The following WNK4 variants were observed in gnomAD, a reference collection of about 807,000 sequenced individuals.
WNK4 encodes WNK lysine deficient protein kinase 4.
A neutral mutation model predicts 116.2 loss-of-function variants in WNK4; 94 were observed. The observed-to-expected ratio is 0.81, with a 90% CI of 0.68 to 0.96. The LOEUF is 0.96. Ranked by LOEUF, WNK4 falls within the 40% of genes least tolerant of loss-of-function variation. WNK4 has a pLI of 0.00. For missense variants in WNK4, 1,542 were observed against 1,650.6 expected (o/e 0.93, Z 1.14); for synonymous variants, 655 against 672.7 (o/e 0.97, Z 0.41).
chr17:42,781,445 C>A, intron 1 of WNK4, 129 bp downstream of exon 1: 1 of 1,252,790 alleles, frequency 8.0e-7, no homozygotes, highest in Non-Finnish European at 1.1e-6. Context: ...CTATAGACAC[C>A]TCTGCTGTCT....
At chr17:42,783,031 A>G in intron 2 of WNK4, 101 bp downstream of exon 2, 2 of 1,475,868 alleles carry the variant, frequency 1.4e-6, no homozygotes, top group Non-Finnish European at 1.8e-6. Context: ...ATCCAGGTGT[A>G]AAACCAGGTT....
chr17:42,782,736 A>G lies in WNK4; in HGVS notation c.619-22A>G. ...CTGTGGGTGTCCTGGGCCTGACATG[A>G]CACCCGTCCCCCATCCCACAGACTC... is the stretch of plus-strand genomic sequence containing the variant. On this transcript the variant is annotated intron_variant, in intron 1 of 18. Coordinates refer to ENST00000246914, the MANE Select transcript of WNK4 (RefSeq NM_032387.5). This position sits in a 1 kb window ranked among gnomAD's most constrained non-coding sequence, Gnocchi z 4.2. 2 of 1,613,616 alleles carry G rather than the reference A, an allele frequency of 1.2e-6. No individual in the cohort carries two copies. The highest frequency in any genetic ancestry group is 1.7e-6 in the Non-Finnish European group (2 of 1,179,946).
intron 11 of WNK4, among the ~76,000 whole-genome samples, chr17:42,789,752 T>C (rs1454004569): frequency 1.3e-5 from 2 of 151,962 alleles, no homozygotes; most frequent in African/African-American, 4.8e-5. Flanking sequence ...ACACCTGTAA[T>C]CCCAGCACTT....
rs2054639783 is a variant in WNK4 at position 42,794,479 on chromosome 17, T to A, written c.2296-135T>A. The stretch of plus-strand genomic sequence containing the variant: ...TTACCTCTATACATTTCAGCACATA[T>A]GCTTCTGAATCCCTTGAAACTCATG... On this transcript the variant is annotated intron_variant, in intron 12 of 18. Transcript: ENST00000246914. 4 of 919,536 alleles carry A rather than the reference T, an allele frequency of 4.4e-6. No homozygotes were observed. In the East Asian group the frequency reaches 1.0e-4, roughly 24 times the overall value. The allele number at this position is 919,536 out of a possible 1,614,324, so 57.0% of individuals were successfully genotyped here.
At chr17:42,789,936 G>T (rs1349643802) in intron 11 of WNK4, among the ~76,000 whole-genome samples, 1 of 151,940 alleles carries the variant, frequency 6.6e-6, no homozygotes, top group Non-Finnish European at 1.5e-5. Flanking sequence ...AGCCTGGGAG[G>T]TCAAGGCTGC....
Position 42,784,539 on chromosome 17 carries a change from A to C in WNK4, c.1130A>C (p.Glu377Ala). The C allele has an allele frequency of 1.9e-6, 3 of 1,614,144 alleles. No homozygotes were observed. Among genetic ancestry groups the C allele is most frequent in the Non-Finnish European group, 2.5e-6 (3 of 1,180,034 alleles). The change falls in exon 4 of 19, where the codon GAG becomes GCG. Residue 377 changes from glutamate to alanine, a missense_variant. Physicochemically the swap from Glu to Ala is moderately radical, Grantham distance 107. This residue lies in a region of WNK4 where 808 missense variants were observed against 873.6 expected (regional missense o/e 0.92). Coordinates refer to ENST00000246914, the MANE Select transcript of WNK4 (RefSeq NM_032387.5). This position sits in a 1 kb window ranked among gnomAD's most constrained non-coding sequence, Gnocchi z 4.4. ...EMATSEYPYSECQNAAQIYRK... is the reference protein window; with the variant it reads ...EMATSEYPYSACQNAAQIYRK... ...GCCACCTCTGAGTACCCGTACTCCG[A>C]GTGCCAGAATGCCGCGCAAATCTAC... is the stretch of plus-strand genomic sequence containing the variant.
intron 2 of WNK4, chr17:42,783,706 C>T (rs1001603403): frequency 6.9e-5 from 41 of 592,642 alleles, no homozygotes; most frequent in Middle Eastern, 4.3e-4. Flanking sequence ...GCACCTTGGC[C>T]GAGGCCCTAT....
rs1260992023 is a variant in WNK4, at chr17:42,796,888, G to C, written c.*200G>C. ...ATATGTGAACTGTTTGCTGTGTGGA[G>C]GTGTTAGTTCTGCTGCCTACCATCT... is the stretch of plus-strand genomic sequence containing the variant. On this transcript the variant is annotated 3_prime_UTR_variant, in exon 19 of 19. Transcript: ENST00000246914. The C allele has an allele frequency of 1.9e-6, 2 of 1,066,314 alleles. No homozygotes were observed. The highest frequency in any genetic ancestry group is 4.9e-5 in the Admixed American group (2 of 40,916). 66.1% of individuals were successfully genotyped at this position (1,066,314 alleles called of 1,614,324 possible). A position where few individuals can be genotyped will look rare whatever the true frequency, so the allele number is the denominator to read the frequency against.
intron 17 of WNK4, 42 bp downstream of exon 17, chr17:42,796,364 C>A (rs1019913576): frequency 6.2e-7 from 1 of 1,609,756 alleles, no homozygotes; most frequent in East Asian, 2.2e-5. Flanking sequence ...TCCCTGAGAC[C>A]CCTTTCTGTC....
rs760604399 is a variant in WNK4, at chr17:42,794,937, G to T, written c.2516G>T (p.Ser839Ile). ...ATCACTTCTCCCCCATGTCATCCCA[G>T]CCCCTCCCCATTCTCCCCCATTTCT... ...FPITSPPCHPSPSPFSPISSQ... is the reference protein window; with the variant it reads ...FPITSPPCHPIPSPFSPISSQ... The change falls in exon 14 of 19, where the codon AGC (serine) becomes ATC (isoleucine). Residue 839 changes from serine to isoleucine, a missense_variant. Ser to Ile is a moderately radical substitution (Grantham distance 142). This residue lies in a region of WNK4 where 808 missense variants were observed against 873.6 expected (regional missense o/e 0.92). Transcript: ENST00000246914. 2.0e-6 allele frequency: 3 copies of T among 1,517,858 alleles called. No individual in the cohort carries two copies. Among genetic ancestry groups the T allele is most frequent in the East Asian group, 2.4e-5 (1 of 42,494 alleles). 94.0% of individuals were successfully genotyped at this position (1,517,858 alleles called of 1,614,324 possible).
rs1422885374 is a variant in WNK4 at position 42,784,493 on chromosome 17, G to A, written c.1084G>A (p.Gly362Ser). The A allele has an allele frequency of 6.2e-6, 10 of 1,613,776 alleles. No homozygotes were observed. The highest frequency in any genetic ancestry group is 8.5e-6 in the Non-Finnish European group (10 of 1,179,990). ...TGAGGCCGTGGACGTGTACGCGTTC[G>A]GCATGTGCATGCTGGAGATGGCCAC... ...YDEAVDVYAF[G>S]MCMLEMATSE... is the part of the protein sequence containing the mutation. The change falls in exon 4 of 19, where the codon GGC becomes AGC. Residue 362 changes from glycine to serine, a missense_variant. Gly to Ser is a moderately conservative substitution (Grantham distance 56). This residue lies in a region of WNK4 where 808 missense variants were observed against 873.6 expected (regional missense o/e 0.92). Coordinates refer to ENST00000246914, the MANE Select transcript of WNK4 (RefSeq NM_032387.5). The surrounding 1 kb of genome is among the most constrained non-coding windows in gnomAD (Gnocchi z 4.4).
At position 42,797,014 on chromosome 17, in the gene WNK4, G is replaced by T; in HGVS notation, c.*326G>T. ...CCACTCCCAGCTGGGAGAGTGTAGG[G>T]GATATGCTCACACCACATTAGCAGC... On this transcript the variant is annotated 3_prime_UTR_variant, in exon 19 of 19. Coordinates refer to ENST00000246914, the MANE Select transcript of WNK4 (RefSeq NM_032387.5). 3 of 492,798 alleles carry T rather than the reference G, an allele frequency of 6.1e-6. No individual in the cohort carries two copies. The highest frequency in any genetic ancestry group is 4.5e-5 in the South Asian group (2 of 44,624). The allele number at this position is 492,798 out of a possible 1,614,324, so 30.5% of individuals were successfully genotyped here.
chr17:42,785,345 G>A lies in WNK4; in HGVS notation c.1339G>A (p.Asp447Asn), dbSNP rs566923583. The A allele has an allele frequency of 3.2e-5, 52 of 1,611,098 alleles. No homozygotes were observed. Among genetic ancestry groups the A allele is most frequent in the Admixed American group, 6.7e-5 (4 of 59,602 alleles). ...GCACGTGGAACTAGCGGAGGAGGAC[G>A]ACGGCGAGAAGCCGGGCCTCAAGCT... ...GVHVELAEEDDGEKPGLKLWL... is the reference protein window; with the variant it reads ...GVHVELAEEDNGEKPGLKLWL... The change falls in exon 6 of 19, where the codon GAC (aspartate) becomes AAC (asparagine). Residue 447 changes from aspartate (D) to asparagine (N), a missense_variant. By Grantham distance (23) the Asp-to-Asn change is conservative (BLOSUM62 1). Coordinates refer to ENST00000246914, the MANE Select transcript of WNK4 (RefSeq NM_032387.5).
At position 42,780,896 on chromosome 17, in the gene WNK4, C is replaced by T. The variant is rs550266479; in HGVS notation, c.198C>T (p.Asp66=). Residue 66 remains aspartate (D), a synonymous_variant, in exon 1 of 19, where the codon GAC becomes GAT. Coordinates refer to ENST00000246914, the MANE Select transcript of WNK4 (RefSeq NM_032387.5). ...GTCTCAGCCGCCGTAGCTCAGTCGA[C>T]TTGGGGCTGCTGAGCTCTTGGTCCC... ...SSRLSRRSSV[D]LGLLSSWSLP... 77 of 1,606,978 alleles carry T rather than the reference C, an allele frequency of 4.8e-5. 1 individual carries two copies. In the South Asian group the frequency reaches 8.1e-4, roughly 17 times the overall value.
At position 42,785,254 on chromosome 17, in the gene WNK4, C is replaced by T. The variant is rs369803181; in HGVS notation, c.1260-12C>T. On this transcript the variant is annotated splice_polypyrimidine_tract_variant and intron_variant, in intron 5 of 18. Coordinates refer to ENST00000246914, the MANE Select transcript of WNK4 (RefSeq NM_032387.5). ...CCGCGGCGGGCTCGGCTCACCCACG[C>T]GTCACCCTCAGGTTCACCATCCAGG... The T allele has an allele frequency of 6.8e-6, 11 of 1,607,428 alleles. No individual in the cohort carries two copies. The highest frequency in any genetic ancestry group is 7.6e-6 in the Non-Finnish European group (9 of 1,177,474).
In WNK4 at chr17:42,794,676, C is replaced by G. The variant is rs761646113; in HGVS notation, c.2350+8C>G. 1 of 1,613,800 alleles carries G rather than the reference C, an allele frequency of 6.2e-7. No homozygotes were observed. On this transcript the variant is annotated splice_region_variant and intron_variant, in intron 13 of 18. Transcript: ENST00000246914. Reference sequence around the variant, plus strand: ...TCCCAGACCCATCCAATGGTATGTACTGAGTTGTGTCCTTGCTCATCCCAA... The same window carrying G: ...TCCCAGACCCATCCAATGGTATGTAGTGAGTTGTGTCCTTGCTCATCCCAA...
chr17:42,788,483 C>G, intron 10 of WNK4, 76 bp downstream of exon 10: 1 of 1,479,438 alleles, frequency 6.8e-7, no homozygotes, highest in Non-Finnish European at 9.4e-7. Context: ...CGGGGGAGGT[C>G]ACCCAGAAAA....
chr17:42,794,266 C>T, intron 12 of WNK4: 1 of 377,654 alleles, frequency 2.6e-6, no homozygotes, highest in Non-Finnish European at 4.9e-6. Context: ...GAAATAATTT[C>T]AGACTTGTGG....
chr17:42,796,494 G>A lies in WNK4; in HGVS notation c.3645G>A (p.Arg1215=). 6.2e-7 allele frequency: 1 copy of A among 1,614,028 alleles called. No individual in the cohort carries two copies. The highest frequency in any genetic ancestry group is 8.5e-7 in the Non-Finnish European group (1 of 1,179,910). The change falls in exon 18 of 19, where the codon AGG becomes AGA. Residue 1215 remains arginine, a synonymous_variant. Coordinates refer to ENST00000246914, the MANE Select transcript of WNK4 (RefSeq NM_032387.5). The part of the protein sequence containing the change: ...SEPPGPGIMR[R]NSLSGSSTGS... The stretch of plus-strand genomic sequence containing the variant: ...TCCTGCTCCCAGGCATCATGCGAAG[G>A]AACTCTCTGAGTGGCAGCAGCACCG...
Sources: allele counts gnomAD v4.1 joint callset (sites outside exome capture counted in the v4.1 genomes callset), GRCh38; gene constraint gnomAD v4.1.1; regional missense constraint gnomAD v4.1.1; non-coding constraint Gnocchi (gnomAD v3.1); transcripts MANE v1.5; gene names NCBI Gene and HGNC (gene_info 2026-07-23, HGNC 2026-07-21).